The following GPC6 variants were observed in gnomAD, a reference collection of about 807,000 sequenced individuals.
GPC6 encodes glypican-6.
A neutral mutation model predicts 55.2 loss-of-function variants in GPC6; 14 were observed. The ratio of observed to expected loss-of-function variants is 0.25; its 90% CI spans 0.17 to 0.40. The LOEUF (loss-of-function observed/expected upper bound fraction) is 0.40. Among genes scored for constraint, GPC6 ranks in the 10% least tolerant of loss-of-function variants. GPC6 has a pLI of 1.00. For synonymous variants in GPC6, 278 were observed against 259.6 expected (o/e 1.07, Z -0.68); for missense variants, 641 against 708.5 (o/e 0.90, Z 1.08).
At chr13:94,052,310 A>C (rs1233737529) in intron 4 of GPC6, among the ~76,000 whole-genome samples, 1 of 152,188 alleles carries the variant, frequency 6.6e-6, no homozygotes, top group Non-Finnish European at 1.5e-5. Context: ...AGAGCAAAGA[A>C]ATGGTGCAAT....
At chr13:93,513,876 C>CTTTTTTT (rs56333946) in intron 1 of GPC6, among the ~76,000 whole-genome samples, 5 of 110,242 alleles carry the variant, frequency 4.5e-5, no homozygotes, top group Non-Finnish European at 6.9e-5. Flanking sequence ...TGAATGATGG[C>CTTTTTTT]TTTTTTTTTT....
intron 1 of GPC6, among the ~76,000 whole-genome samples, chr13:93,467,742 G>A (rs1220789434): frequency 1.3e-5 from 2 of 151,718 alleles, no homozygotes; most frequent in Non-Finnish European, 2.9e-5. Flanking sequence ...GCACCACCAT[G>A]ACCAGCTTAT....
At chr13:94,183,662 T>G (rs1441085924) in intron 4 of GPC6, among the ~76,000 whole-genome samples, 1 of 152,186 alleles carries the variant, frequency 6.6e-6, no homozygotes, top group African/African-American at 2.4e-5. Context: ...AGTGACTGTA[T>G]CATCATACAC....
rs1248293085 is a variant in GPC6, at chr13:93,680,422, A to AT, written c.319+135002dup. On this transcript the variant is annotated intron_variant, in intron 2 of 8. Coordinates refer to ENST00000377047, the MANE Select transcript of GPC6 (RefSeq NM_005708.5). The stretch of plus-strand genomic sequence containing the variant: ...AGCCAACCAGTTTATGGTGCTTTAT[A>AT]TGGCAGTGTTAGTAATCCAATACAG... Among the ~76,000 whole-genome samples, 6 of 152,278 alleles carry AT rather than the reference A, an allele frequency of 3.9e-5. No individual in the cohort carries two copies. In the East Asian group the frequency reaches 1.2e-3, roughly 29 times the overall value.
At chr13:94,049,389 T>C (rs992478881) in intron 4 of GPC6, among the ~76,000 whole-genome samples, 4 of 151,916 alleles carry the variant, frequency 2.6e-5, no homozygotes, top group African/African-American at 9.7e-5. Flanking sequence ...GATTGAAGAG[T>C]GGCATCTATG....
At chr13:93,499,919 G>T (rs2139370361) in intron 1 of GPC6, among the ~76,000 whole-genome samples, 1 of 152,248 alleles carries the variant, frequency 6.6e-6, no homozygotes, top group Non-Finnish European at 1.5e-5. Flanking sequence ...TATGCCTTAG[G>T]ATGAGTGTCT....
intron 2 of GPC6, among the ~76,000 whole-genome samples, chr13:93,594,664 G>A (rs1237270152): frequency 1.3e-5 from 2 of 151,942 alleles, no homozygotes. Context: ...ATAACAAAAT[G>A]CCATAATTTG....
chr13:93,945,903 C>T (rs8000417), intron 3 of GPC6, among the ~76,000 whole-genome samples: 116,337 of 152,136 alleles, frequency 0.76, 44,696 homozygotes, highest in South Asian at 0.81. Flanking sequence ...CATTTGTTCA[C>T]CAATGATATC....
intron 4 of GPC6, among the ~76,000 whole-genome samples, chr13:94,131,331 T>A (rs1159173260): frequency 6.6e-6 from 1 of 152,106 alleles, no homozygotes; most frequent in Non-Finnish European, 1.5e-5. Context: ...ATTCAAAAAA[T>A]AAAATAAATA....
chr13:93,741,013 AT>A (rs1884180092), intron 2 of GPC6, among the ~76,000 whole-genome samples: 1 of 151,170 alleles, frequency 6.6e-6, no homozygotes, highest in Admixed American at 6.6e-5. Flanking sequence ...GATGCTATTG[AT>A]TTTATAATTA....
At position 93,428,244 on chromosome 13, in the gene GPC6, C is replaced by T. The variant is rs773658036; in HGVS notation, c.161-117019C>T. ...GTATAATATAATAACACATTTCACCCATTCAGTGAGACTTTACGAACTAGT... is the reference window on the plus strand; with the variant it reads ...GTATAATATAATAACACATTTCACCTATTCAGTGAGACTTTACGAACTAGT... On this transcript the variant is annotated intron_variant, in intron 1 of 8. Transcript: ENST00000377047. Among the ~76,000 whole-genome samples, 3 of 152,236 alleles carry T rather than the reference C, an allele frequency of 2.0e-5. No individual in the cohort carries two copies. In the East Asian group the frequency reaches 5.8e-4, roughly 29 times the overall value.
At chr13:93,496,717 C>G (rs1215071561) in intron 1 of GPC6, among the ~76,000 whole-genome samples, 1 of 152,178 alleles carries the variant, frequency 6.6e-6, no homozygotes, top group Non-Finnish European at 1.5e-5. Flanking sequence ...GGGCAACTTA[C>G]TTAATCTCTC....
At chr13:93,967,008 A>G (rs943522673) in intron 3 of GPC6, among the ~76,000 whole-genome samples, 5 of 152,142 alleles carry the variant, frequency 3.3e-5, no homozygotes, top group Admixed American at 2.6e-4. Context: ...AGATTTAAAC[A>G]GTCTCTCCCT....
At chr13:93,787,222 A>G (rs1043064208) in intron 2 of GPC6, among the ~76,000 whole-genome samples, 2 of 152,204 alleles carry the variant, frequency 1.3e-5, no homozygotes, top group African/African-American at 4.8e-5. Context: ...AATTCTCCCT[A>G]AAATAAACAA....
chr13:93,402,263 G>C (rs1876119073), intron 1 of GPC6, among the ~76,000 whole-genome samples: 1 of 152,146 alleles, frequency 6.6e-6, no homozygotes, highest in Admixed American at 6.6e-5. Context: ...TAATACATCA[G>C]TTACTGCTTC....
At chr13:93,866,932 T>G (rs1888983272) in intron 3 of GPC6, among the ~76,000 whole-genome samples, 1 of 151,794 alleles carries the variant, frequency 6.6e-6, no homozygotes, top group Non-Finnish European at 1.5e-5. Context: ...GTAAATAATT[T>G]TTAGCAAAAA....
chr13:93,331,382 G>T (rs931141252), intron 1 of GPC6, among the ~76,000 whole-genome samples: 1 of 151,956 alleles, frequency 6.6e-6, no homozygotes, highest in Admixed American at 6.6e-5. Context: ...TTCTAGATAC[G>T]TGTTTTTAAA....
intron 2 of GPC6, among the ~76,000 whole-genome samples, chr13:93,610,394 G>C (rs1291548742): frequency 6.6e-6 from 1 of 152,182 alleles, no homozygotes; most frequent in African/African-American, 2.4e-5. Flanking sequence ...GTGTGTTTAT[G>C]TGTAGTCATG....
chr13:94,255,008 A>T (rs932131829), intron 4 of GPC6, among the ~76,000 whole-genome samples: 2 of 152,202 alleles, frequency 1.3e-5, no homozygotes, highest in African/African-American at 2.4e-5. Context: ...AGTAATTTTC[A>T]TCAATGTTTA....
Sources: allele counts gnomAD v4.1 joint callset (sites outside exome capture counted in the v4.1 genomes callset), GRCh38; gene constraint gnomAD v4.1.1; transcripts MANE v1.5; gene names NCBI Gene and HGNC (gene_info 2026-07-23, HGNC 2026-07-21).